The following MBOAT2 variants were observed in gnomAD, a reference collection of about 807,000 sequenced individuals.
MBOAT2 encodes the protein membrane bound glycerophospholipid O-acyltransferase 2, also known as membrane-bound glycerophospholipid O-acyltransferase 2.
In MBOAT2, 28 loss-of-function variants were observed where a neutral mutation model predicts 63.4. That is an observed-to-expected ratio of 0.44 (90% CI 0.33 to 0.61). The LOEUF (loss-of-function observed/expected upper bound fraction) is 0.61. MBOAT2 is among the 20% of genes least tolerant of loss of function. The probability of loss-of-function intolerance (pLI) is 0.03; values close to 1 mark genes in which losing one functional copy is unlikely to be tolerated. For missense variants in MBOAT2, 470 were observed against 605.8 expected, an observed-to-expected ratio of 0.78 and a Z score of 2.35; for synonymous variants, 211 against 215.6, an observed-to-expected ratio of 0.98 and a Z score of 0.19.
intron 1 of MBOAT2, among the ~76,000 whole-genome samples, chr2:8,982,608 T>G (rs1037442802): frequency 6.6e-6 from 1 of 152,128 alleles, no homozygotes; most frequent in African/African-American, 2.4e-5. Context: ...CTTGGAGAAT[T>G]CCCTCCATCC....
chr2:8,979,637 T>G (rs1242930676), intron 1 of MBOAT2, among the ~76,000 whole-genome samples: 1 of 152,086 alleles, frequency 6.6e-6, no homozygotes, highest in Non-Finnish European at 1.5e-5. Flanking sequence ...ATTTAGGGGG[T>G]ACTGCCAATA....
At chr2:8,893,095 T>TGGGGGAGGAGGCAGGGGGAGGGGGG (rs1664137886) in intron 4 of MBOAT2, among the ~76,000 whole-genome samples, 10 of 8,800 alleles carry the variant, frequency 1.1e-3, no homozygotes, top group Non-Finnish European at 1.9e-3. Flanking sequence ...GGGGAGGGGG[T>TGGGGGAGGAGGCAGGGGGAGGGGGG]GGGGGAGGAG....
chr2:8,892,975 G>A (rs1391935345), intron 4 of MBOAT2, among the ~76,000 whole-genome samples: 2 of 151,400 alleles, frequency 1.3e-5, no homozygotes, highest in Admixed American at 6.6e-5. Context: ...ACTACTGGAG[G>A]ATTTTAGGCA....
chr2:8,925,386 A>G (rs1666863606), intron 3 of MBOAT2, among the ~76,000 whole-genome samples: 1 of 152,242 alleles, frequency 6.6e-6, no homozygotes, highest in African/African-American at 2.4e-5. Context: ...AAAGCACTTA[A>G]AAGCAAGGGC....
intron 3 of MBOAT2, among the ~76,000 whole-genome samples, chr2:8,909,946 C>G (rs968959829): frequency 2.0e-5 from 3 of 152,208 alleles, no homozygotes; most frequent in Admixed American, 6.5e-5. Flanking sequence ...AGGAGTCTAC[C>G]TCGCTGCCCA....
At chr2:8,875,653 A>G (rs1219012490) in intron 7 of MBOAT2, among the ~76,000 whole-genome samples, 1 of 152,188 alleles carries the variant, frequency 6.6e-6, no homozygotes, top group Non-Finnish European at 1.5e-5. Flanking sequence ...CTAGGCTTTT[A>G]TTCTCCTTCC....
At position 8,898,071 on chromosome 2, in the gene MBOAT2, T is replaced by G. The variant is rs574437642; in HGVS notation, c.396-9998A>C. ...CCAATCTTTTGCTACTACATCAATT[T>G]CCTTACTTTGGTATGCCACTGTTTG... On this transcript the variant is annotated intron_variant, in intron 4 of 12. Coordinates refer to ENST00000305997, the MANE Select transcript of MBOAT2 (RefSeq NM_138799.4). Among the ~76,000 whole-genome samples the G allele has an allele frequency of 8.2e-4, 125 of 152,348 alleles. No individual in the cohort carries two copies. The South Asian group carries it at 0.016, about 19-fold the overall frequency.
intron 4 of MBOAT2, 56 bp from the exon 5 acceptor site, chr2:8,888,129 TATGAC>T: frequency 6.8e-7 from 1 of 1,472,484 alleles, no homozygotes. Flanking sequence ...AAACAATACT[TATGAC>T]ATATGAGTTA....
rs1413393190 is a variant in MBOAT2 at position 8,872,972 on chromosome 2, G to GT, written c.883+135dup. 12 of 674,536 alleles carry GT rather than the reference G, an allele frequency of 1.8e-5. No homozygotes were observed. The African/African-American group carries it at 2.2e-4, about 12-fold the overall frequency. The allele number at this position is 674,536 out of a possible 1,614,324, so 41.8% of individuals were successfully genotyped here. On this transcript the variant is annotated intron_variant, in intron 8 of 12. Transcript: ENST00000305997. Reference sequence around the variant, plus strand: ...TACTTACATATGAGTTGCGAGGGCTGTTTTTTCTACACAGATGACTTAATT... The same window carrying GT: ...TACTTACATATGAGTTGCGAGGGCTGTTTTTTTCTACACAGATGACTTAATT...
chr2:8,900,586 T>C (rs1664846753), intron 4 of MBOAT2, among the ~76,000 whole-genome samples: 2 of 152,154 alleles, frequency 1.3e-5, no homozygotes, highest in African/African-American at 4.8e-5. Context: ...TTTGTGGTAC[T>C]TTGGAGATTT....
intron 4 of MBOAT2, among the ~76,000 whole-genome samples, chr2:8,890,485 T>C (rs925022523): frequency 2.0e-5 from 3 of 152,146 alleles, no homozygotes; most frequent in African/African-American, 4.8e-5. Flanking sequence ...ATCTCCAGCA[T>C]GTAGCACAGT....
chr2:8,868,527 T>C lies in MBOAT2; in HGVS notation c.906A>G (p.Ala302=). Residue 302 remains alanine, a synonymous_variant, in exon 9 of 13, where the codon GCA becomes GCG. Coordinates refer to ENST00000305997, the MANE Select transcript of MBOAT2 (RefSeq NM_138799.4). ...WTLADAINNA[A]GFGFRGYDEN... is the part of the protein sequence containing the mutation. ...CGTCATACCCTCTGAAACCAAAGCC[T>C]GCAGCATTATTAATGGCATCAGCTA... 6.2e-7 allele frequency: 1 copy of C among 1,613,778 alleles called. No individual in the cohort carries two copies. The highest frequency in any genetic ancestry group is 8.5e-7 in the Non-Finnish European group (1 of 1,179,830).
intron 6 of MBOAT2, among the ~76,000 whole-genome samples, chr2:8,879,667 G>A (rs536200888): frequency 3.3e-5 from 5 of 152,164 alleles, no homozygotes; most frequent in Admixed American, 1.3e-4. Context: ...GCTACCCACC[G>A]GACGCCAGTA....
At chr2:8,979,457 T>C (rs1040808399) in intron 1 of MBOAT2, among the ~76,000 whole-genome samples, 1 of 152,124 alleles carries the variant, frequency 6.6e-6, no homozygotes, top group African/African-American at 2.4e-5. Flanking sequence ...ATCGTTAAAA[T>C]AATCACTGGG....
chr2:8,956,414 A>G (rs1262234193), intron 2 of MBOAT2, among the ~76,000 whole-genome samples: 1 of 152,184 alleles, frequency 6.6e-6, no homozygotes, highest in Non-Finnish European at 1.5e-5. Flanking sequence ...AAAAATAAAA[A>G]TCCTGGCTGG....
chr2:8,877,173 T>C lies in MBOAT2; in HGVS notation c.547A>G (p.Asn183Asp). Residue 183 changes from asparagine (N) to aspartate (D), a missense_variant, in exon 7 of 13, where the codon AAC becomes GAC. This residue lies in a region of MBOAT2 where 376 missense variants were observed against 503.8 expected (regional missense o/e 0.75). Transcript: ENST00000305997. ...SLLEYLSYNC[N>D]FMGILAGPLC... Reference sequence around the variant, plus strand: ...GGGCCTGCCAGGATCCCCATGAAGTTACAGTTGTAACTCAAATACTCCAGT... The same window carrying C: ...GGGCCTGCCAGGATCCCCATGAAGTCACAGTTGTAACTCAAATACTCCAGT... The C allele has an allele frequency of 6.2e-7, 1 of 1,613,720 alleles. No individual in the cohort carries two copies. The highest frequency in any genetic ancestry group is 1.3e-5 in the African/African-American group (1 of 75,016).
intron 1 of MBOAT2, among the ~76,000 whole-genome samples, chr2:8,991,626 C>G (rs1019835454): frequency 3.3e-5 from 5 of 152,208 alleles, no homozygotes; most frequent in African/African-American, 1.2e-4. Context: ...TTTTAAGTCT[C>G]AGAACACAAG....
chr2:8,878,904 G>A (rs988065488), intron 6 of MBOAT2, among the ~76,000 whole-genome samples: 1 of 151,718 alleles, frequency 6.6e-6, no homozygotes, highest in African/African-American at 2.4e-5. Flanking sequence ...GTGAAACCCC[G>A]TCTCTACTAA....
intron 1 of MBOAT2, among the ~76,000 whole-genome samples, chr2:8,990,763 G>A (rs1431519559): frequency 6.6e-6 from 1 of 152,114 alleles, no homozygotes; most frequent in African/African-American, 2.4e-5. Context: ...AGACAGCTGA[G>A]GCTCAATGTT....
Sources: gnomAD v4.1 joint callset for allele counts (sites outside exome capture counted in the v4.1 genomes callset) on GRCh38, gnomAD v4.1.1 for gene constraint, gnomAD v4.1.1 regional missense constraint, MANE v1.5 for transcripts, NCBI Gene and HGNC (gene_info 2026-07-23, HGNC 2026-07-21) for gene names.